Variants in PRDM5 observed in about 807,000 individuals in gnomAD.
The protein encoded by PRDM5 is PR domain zinc finger protein 5.
PRDM5 carries 56 observed loss-of-function variants against 81.2 expected under a neutral mutation model. The observed-to-expected ratio is 0.69, with a 90% CI of 0.56 to 0.86. The LOEUF (loss-of-function observed/expected upper bound fraction) is 0.86. Ranked by LOEUF, PRDM5 falls within the 40% of genes least tolerant of loss-of-function variation. The pLI is 0.00. For synonymous variants in PRDM5, 267 were observed against 256.4 expected (o/e 1.04, Z -0.39); for missense variants, 697 against 770.1 (o/e 0.91, Z 1.12).
intron 14 of PRDM5, among the ~76,000 whole-genome samples, chr4:120,715,287 G>C (rs1347182508): frequency 6.6e-6 from 1 of 152,098 alleles, no homozygotes; most frequent in East Asian, 1.9e-4. Flanking sequence ...GTTTTATCCA[G>C]CATTAATAAG....
chr4:120,711,052 G>A (rs866159149), intron 14 of PRDM5, among the ~76,000 whole-genome samples: 90 of 152,236 alleles, frequency 5.9e-4, no homozygotes, highest in African/African-American at 1.9e-3. Context: ...TTGCAATGCT[G>A]GATGCTGGAT....
At chr4:120,736,232 T>C (rs1741108474) in intron 14 of PRDM5, among the ~76,000 whole-genome samples, 1 of 151,822 alleles carries the variant, frequency 6.6e-6, no homozygotes, top group African/African-American at 2.4e-5. Flanking sequence ...TGTGTGTGTG[T>C]GTGTGTGTAT....
At chr4:120,833,372 T>A (rs896088047) in intron 3 of PRDM5, among the ~76,000 whole-genome samples, 2 of 152,170 alleles carry the variant, frequency 1.3e-5, no homozygotes, top group Non-Finnish European at 2.9e-5. Context: ...AACTGCCACC[T>A]GTCACAGTGC....
chr4:120,851,060 C>T (rs1759206605), intron 3 of PRDM5, among the ~76,000 whole-genome samples: 2 of 151,994 alleles, frequency 1.3e-5, no homozygotes, highest in Non-Finnish European at 2.9e-5. Flanking sequence ...ACAAGTATTA[C>T]CTAAGTAAAT....
At position 120,901,529 on chromosome 4, in the gene PRDM5, T is replaced by C. The variant is rs115347683; in HGVS notation, c.177+5945A>G. 2.4e-3 allele frequency among the ~76,000 whole-genome samples: 366 copies of C among 152,330 alleles called. 5 individuals carry two copies. Among genetic ancestry groups the C allele is most frequent in the South Asian group, 0.014 (66 of 4,824 alleles). On this transcript the variant is annotated intron_variant, in intron 2 of 15. Coordinates refer to ENST00000264808, the MANE Select transcript of PRDM5 (RefSeq NM_018699.4). ...CAGGTGACGCACACGGCTCTCACAG[T>C]GCTCTGGGTATCCCACATTGTGTTA...
chr4:120,801,535 A>G (rs1752119147), intron 8 of PRDM5, among the ~76,000 whole-genome samples: 1 of 152,248 alleles, frequency 6.6e-6, no homozygotes, highest in African/African-American at 2.4e-5. Context: ...AAAAGTAGAG[A>G]AACAAGGCAG....
chr4:120,710,962 A>C (rs909308477), intron 14 of PRDM5, among the ~76,000 whole-genome samples: 6 of 152,220 alleles, frequency 3.9e-5, no homozygotes, highest in Admixed American at 6.5e-5. Flanking sequence ...CACATCTGTC[A>C]GACACTGAAA....
intron 15 of PRDM5, among the ~76,000 whole-genome samples, chr4:120,706,707 G>GTAAAAAACTC (rs11283330): frequency 2.8e-5 from 4 of 144,198 alleles, no homozygotes; most frequent in African/African-American, 1.0e-4. Context: ...GGGCAAAACT[G>GTAAAAAACTC]GTTTTATATA....
intron 3 of PRDM5, chr4:120,837,745 C>T (rs1387870088): frequency 2.0e-5 from 3 of 152,178 alleles, no homozygotes; most frequent in African/African-American, 4.8e-5. Context: ...GTTGAGTTTA[C>T]ATTCTACTGC....
chr4:120,913,069 T>C (rs1042775252), intron 1 of PRDM5, among the ~76,000 whole-genome samples: 1 of 152,192 alleles, frequency 6.6e-6, no homozygotes, highest in Non-Finnish European at 1.5e-5. Flanking sequence ...CCTATATCCA[T>C]TCCCATTAGT....
At chr4:120,810,448 T>C (rs142628141) in intron 8 of PRDM5, 4 of 152,174 alleles carry the variant, frequency 2.6e-5, no homozygotes, top group African/African-American at 9.6e-5. Context: ...GCATAAAATT[T>C]TTCCTTTAAA....
chr4:120,904,665 T>A (rs183383787), intron 2 of PRDM5, among the ~76,000 whole-genome samples: 18 of 152,280 alleles, frequency 1.2e-4, no homozygotes, highest in African/African-American at 4.3e-4. Flanking sequence ...CAGGAATAGA[T>A]AATGCAAAAC....
chr4:120,774,953 T>C (rs1747923482), intron 13 of PRDM5, among the ~76,000 whole-genome samples: 1 of 149,130 alleles, frequency 6.7e-6, no homozygotes, highest in South Asian at 2.1e-4. Context: ...TGTGTGTGTA[T>C]ATGTATATGT....
rs756946467 is a variant in PRDM5, at chr4:120,816,548, C to A, written c.770G>T (p.Arg257Leu). ...SSFEQHQETC[R>L]GDARFVCKAD... ...CTTGCACACAAACCTGGCATCCCCC[C>A]GGCAAGTCTCCTGGTGCTGCTCAAA... is the stretch of plus-strand genomic sequence containing the variant. The change falls in exon 7 of 16, where the codon CGG (arginine) becomes CTG (leucine). Residue 257 changes from arginine to leucine, a missense_variant. Coordinates refer to ENST00000264808, the MANE Select transcript of PRDM5 (RefSeq NM_018699.4). 1.9e-6 allele frequency: 3 copies of A among 1,614,012 alleles called. No individual in the cohort carries two copies. Among genetic ancestry groups the A allele is most frequent in the Middle Eastern group, 3.3e-4 (2 of 6,082 alleles).
chr4:120,692,454 T>A lies in PRDM5; in HGVS notation c.*2657A>T, dbSNP rs1734118736. On this transcript the variant is annotated 3_prime_UTR_variant, in exon 16 of 16. Transcript: ENST00000264808. ...TTTATCACCAAGAATACTTCCATGG[T>A]GCAACTGCTGATTATAATTTACCAA... 1 of 152,052 alleles carries A rather than the reference T, an allele frequency of 6.6e-6. No homozygotes were observed. Among genetic ancestry groups the A allele is most frequent in the African/African-American group, 2.4e-5 (1 of 41,422 alleles). The allele number at this position is 152,052 out of a possible 1,614,324, so 9.4% of individuals were successfully genotyped here. A position where few individuals can be genotyped will look rare whatever the true frequency, so the allele number is the denominator to read the frequency against.
chr4:120,743,621 G>C (rs374669344), intron 14 of PRDM5, among the ~76,000 whole-genome samples: 1 of 100,034 alleles, frequency 1.0e-5, no homozygotes, highest in East Asian at 2.5e-4. Flanking sequence ...AAAGGCAGGG[G>C]TTGCAATCCT....
intron 10 of PRDM5, among the ~76,000 whole-genome samples, chr4:120,792,275 C>T (rs1016953164): frequency 6.6e-6 from 1 of 152,072 alleles, no homozygotes; most frequent in African/African-American, 2.4e-5. Flanking sequence ...ACAGTTTTTA[C>T]TATATTGAAG....
chr4:120,829,298 T>C (rs1756419136), intron 3 of PRDM5, among the ~76,000 whole-genome samples: 1 of 152,098 alleles, frequency 6.6e-6, no homozygotes, highest in South Asian at 2.1e-4. Flanking sequence ...AGTCTAATTA[T>C]TTCTGCTTCT....
chr4:120,816,912 G>T lies in PRDM5; in HGVS notation c.663C>A (p.Cys221Ter). The change falls in exon 6 of 16, where the codon TGC (cysteine) becomes TGA (stop). Residue 221 changes from cysteine to a stop codon, truncating the protein, a stop_gained. Coordinates refer to ENST00000264808, the MANE Select transcript of PRDM5 (RefSeq NM_018699.4). LOFTEE classifies it high-confidence loss of function. ...ACTCCTTTAGACTGCTTTTCGCTGT[G>T]CACTGAAGAACACTAAAGGGAAATA... ...KQALQRHVLQ[C>*]TAKSSLKESS... 1 of 1,612,288 alleles carries T rather than the reference G, an allele frequency of 6.2e-7. No individual in the cohort carries two copies. The highest frequency in any genetic ancestry group is 1.3e-5 in the African/African-American group (1 of 75,002).
Sources: gnomAD v4.1 joint callset for allele counts (sites outside exome capture counted in the v4.1 genomes callset) on GRCh38, gnomAD v4.1.1 for gene constraint, MANE v1.5 for transcripts, NCBI Gene and HGNC (gene_info 2026-07-23, HGNC 2026-07-21) for gene names.